Variants in CTNND2 observed in about 807,000 individuals in gnomAD.
CTNND2 encodes catenin delta-2.
In CTNND2, 22 loss-of-function variants were observed where a neutral mutation model predicts 144.4. The observed-to-expected ratio is 0.15, with a 90% CI of 0.11 to 0.22. The LOEUF is 0.22. Among genes scored for constraint, CTNND2 ranks in the 10% least tolerant of loss-of-function variants. CTNND2 has a pLI of 1.00. For synonymous variants in CTNND2, 751 were observed against 695.6 expected (o/e 1.08, Z -1.25); for missense variants, 1,353 against 1,618.8 (o/e 0.84, Z 2.82).
intron 1 of CTNND2, among the ~76,000 whole-genome samples, chr5:11,858,882 T>G (rs1440318605): frequency 6.6e-6 from 1 of 152,154 alleles, no homozygotes; most frequent in Non-Finnish European, 1.5e-5. Flanking sequence ...TGAGCTGAGA[T>G]CCCACCACTG....
At chr5:11,768,723 C>T (rs1789744188) in intron 1 of CTNND2, among the ~76,000 whole-genome samples, 1 of 152,188 alleles carries the variant, frequency 6.6e-6, no homozygotes, top group Non-Finnish European at 1.5e-5. Context: ...TAAAAACTAC[C>T]TGCAATCATT....
chr5:11,196,233 G>T (rs1010599603), intron 11 of CTNND2, among the ~76,000 whole-genome samples: 1 of 152,132 alleles, frequency 6.6e-6, no homozygotes, highest in Non-Finnish European at 1.5e-5. Context: ...CTAAAATCTG[G>T]TTTATAAACT....
chr5:11,009,970 C>T (rs147860426), intron 18 of CTNND2, among the ~76,000 whole-genome samples: 119 of 152,330 alleles, frequency 7.8e-4, no homozygotes, highest in African/African-American at 2.8e-3. Context: ...AACAAGTAAA[C>T]GTCCAGATTT....
At chr5:11,749,080 G>C (rs1352485067) in intron 1 of CTNND2, among the ~76,000 whole-genome samples, 1 of 151,886 alleles carries the variant, frequency 6.6e-6, no homozygotes. Flanking sequence ...ACTGGCAAAG[G>C]ACTGATACCT....
chr5:10,980,980 C>A (rs1008189336), intron 21 of CTNND2, among the ~76,000 whole-genome samples: 2 of 152,076 alleles, frequency 1.3e-5, no homozygotes, highest in Non-Finnish European at 2.9e-5. Flanking sequence ...CACCGTGGCA[C>A]GTGTATACCT....
At chr5:11,121,772 C>T (rs1754163778) in intron 12 of CTNND2, among the ~76,000 whole-genome samples, 1 of 152,144 alleles carries the variant, frequency 6.6e-6, no homozygotes, top group Non-Finnish European at 1.5e-5. Flanking sequence ...CGGCATTTTC[C>T]ATGAAAGATG....
At chr5:11,639,578 A>T (rs1428513) in intron 2 of CTNND2, among the ~76,000 whole-genome samples, 24,632 of 152,172 alleles carry the variant, frequency 0.16, 2,190 homozygotes, top group African/African-American at 0.23. Context: ...ACTGTGTAGC[A>T]TATGAAAAAA....
chr5:11,904,441 G>A lies in CTNND2; in HGVS notation c.-588C>T, dbSNP rs1738171930. 1.3e-5 allele frequency among the ~76,000 whole-genome samples: 2 copies of A among 151,880 alleles called. No individual in the cohort carries two copies. Among genetic ancestry groups the A allele is most frequent in the Admixed American group, 6.6e-5 (1 of 15,252 alleles). On this transcript the variant is annotated 5_prime_UTR_variant, in exon 1 of 22. Transcript: ENST00000304623. This position sits in a 1 kb window ranked among gnomAD's most constrained non-coding sequence, Gnocchi z 4.2. ...CCGCCCCGCCGCCGAAACCGGCCCC[G>A]GGTGCGGAGCATGCCCAGTGCCGCC...
chr5:11,720,686 T>C (rs1786626568), intron 2 of CTNND2, among the ~76,000 whole-genome samples: 1 of 152,250 alleles, frequency 6.6e-6, no homozygotes, highest in Admixed American at 6.5e-5. Flanking sequence ...ACTGACTAAA[T>C]ATATTGCTAA....
intron 2 of CTNND2, among the ~76,000 whole-genome samples, chr5:11,644,969 A>AT (rs1782272256): frequency 2.0e-5 from 3 of 152,046 alleles, no homozygotes; most frequent in South Asian, 4.1e-4. Flanking sequence ...CTTTCACAGT[A>AT]TTTTTTTGTA....
chr5:11,225,672 C>T (rs1160270140), intron 10 of CTNND2, among the ~76,000 whole-genome samples: 1 of 152,114 alleles, frequency 6.6e-6, no homozygotes, highest in Non-Finnish European at 1.5e-5. Flanking sequence ...TTATGTGATC[C>T]AACCCTGGGA....
chr5:11,325,942 T>C (rs116005995), intron 9 of CTNND2, among the ~76,000 whole-genome samples: 2,014 of 152,334 alleles, frequency 0.013, 34 homozygotes, highest in African/African-American at 0.047. Context: ...CACATTCTGA[T>C]GTTCAGAGCC....
At chr5:11,022,540 C>G (rs1742363661) in intron 17 of CTNND2, among the ~76,000 whole-genome samples, 1 of 152,192 alleles carries the variant, frequency 6.6e-6, no homozygotes, top group Admixed American at 6.5e-5. Flanking sequence ...CCAGGTTGAA[C>G]TCGTGTCGCT....
chr5:11,268,756 A>G (rs1745709381), intron 9 of CTNND2, among the ~76,000 whole-genome samples: 1 of 152,224 alleles, frequency 6.6e-6, no homozygotes, highest in South Asian at 2.1e-4. Flanking sequence ...CTAACCATTT[A>G]GAGCTCATGT....
intron 3 of CTNND2, among the ~76,000 whole-genome samples, chr5:11,440,622 G>C (rs1351903866): frequency 1.3e-5 from 2 of 152,230 alleles, no homozygotes; most frequent in Non-Finnish European, 2.9e-5. Context: ...AGTGTATTTT[G>C]ATTTCCTACT....
chr5:11,564,057 G>A (rs1272599822), intron 3 of CTNND2, among the ~76,000 whole-genome samples: 2 of 152,178 alleles, frequency 1.3e-5, no homozygotes, highest in Non-Finnish European at 2.9e-5. Flanking sequence ...AGCCATAGGG[G>A]ATGGCAAGGT....
At chr5:10,991,086 G>A (rs960672232) in intron 19 of CTNND2, among the ~76,000 whole-genome samples, 1 of 152,226 alleles carries the variant, frequency 6.6e-6, no homozygotes, top group Non-Finnish European at 1.5e-5. Context: ...GTTTCCACAG[G>A]TACAGGGGGT....
intron 2 of CTNND2, among the ~76,000 whole-genome samples, chr5:11,720,057 A>G (rs1391568034): frequency 6.6e-6 from 1 of 152,184 alleles, no homozygotes; most frequent in Non-Finnish European, 1.5e-5. Context: ...CTGACAAGCG[A>G]TGGTACATCT....
At chr5:11,198,744 C>T (rs1270508076) in intron 11 of CTNND2, among the ~76,000 whole-genome samples, 1 of 152,166 alleles carries the variant, frequency 6.6e-6, no homozygotes, top group Non-Finnish European at 1.5e-5. Context: ...GTATTGAGGC[C>T]ACCTGGGCCA....
Sources: gnomAD v4.1 joint callset for allele counts (sites outside exome capture counted in the v4.1 genomes callset) on GRCh38, gnomAD v4.1.1 for gene constraint, Gnocchi (gnomAD v3.1) non-coding constraint, MANE v1.5 for transcripts, NCBI Gene and HGNC (gene_info 2026-07-23, HGNC 2026-07-21) for gene names.